The following EML6 variants were observed in gnomAD, a reference collection of about 807,000 sequenced individuals.
EML6 encodes the protein echinoderm microtubule-associated protein-like 6.
A neutral mutation model predicts 240.1 loss-of-function variants in EML6; 154 were observed. The ratio of observed to expected loss-of-function variants is 0.64; its 90% CI spans 0.56 to 0.73. The LOEUF (loss-of-function observed/expected upper bound fraction) is 0.73, where lower values mean the gene tolerates loss of function less well. EML6 is among the 30% of genes least tolerant of loss of function. The pLI, the probability that EML6 is intolerant of heterozygous loss-of-function variation, is 0.00. For missense variants in EML6, 2,964 were observed against 2,474.6 expected (o/e 1.20, Z -4.20); for synonymous variants, 1,148 against 899.0 (o/e 1.28, Z -4.95).
chr2:54,896,928 C>A (rs537158261), intron 21 of EML6, among the ~76,000 whole-genome samples: 107 of 152,332 alleles, frequency 7.0e-4, no homozygotes, highest in Non-Finnish European at 1.4e-3. Context: ...AGCTCTGCAG[C>A]TGGTCGTGCC....
At chr2:54,756,549 G>A (rs990197714) in intron 2 of EML6, among the ~76,000 whole-genome samples, 1 of 151,970 alleles carries the variant, frequency 6.6e-6, no homozygotes, top group Non-Finnish European at 1.5e-5. Context: ...TTGTATTTGG[G>A]CAGTAGGGTG....
At position 54,963,853 on chromosome 2, in the gene EML6, T is replaced by TAAGAAGC. The variant is rs547213783; in HGVS notation, c.5158-128_5158-122dup. 239 of 753,712 alleles carry TAAGAAGC rather than the reference T, an allele frequency of 3.2e-4. 3 individuals carry two copies. Among genetic ancestry groups the TAAGAAGC allele is most frequent in the Middle Eastern group, 2.7e-3 (7 of 2,570 alleles). The allele number at this position is 753,712 out of a possible 1,614,324, so 46.7% of individuals were successfully genotyped here. ...CTCAGTTATTCAGGGACATTTACTC[T>TAAGAAGC]AAGAAGCAAGAGATTTGGTGGCCTG... On this transcript the variant is annotated intron_variant, in intron 36 of 41. Coordinates refer to ENST00000356458, the MANE Select transcript of EML6 (RefSeq NM_001039753.4).
Position 54,844,172 on chromosome 2 carries a change from G to A in EML6, c.973G>A (p.Glu325Lys), listed in dbSNP as rs879068173. 2.6e-6 allele frequency: 4 copies of A among 1,551,712 alleles called. No individual in the cohort carries two copies. The highest frequency in any genetic ancestry group is 1.4e-5 in the African/African-American group (1 of 73,178). The change falls in exon 8 of 42, where the codon GAG becomes AAG. Residue 325 changes from glutamate to lysine, a missense_variant. Transcript: ENST00000356458. ...GATGTTGATCCTACAGGGCCACTGC[G>A]AGGGTGAGCTCTGGGCTCTGGCCCT... ...KPMLILQGHC[E>K]GELWALALHP...
chr2:54,851,654 G>C (rs895801397), intron 10 of EML6, among the ~76,000 whole-genome samples: 1 of 152,162 alleles, frequency 6.6e-6, no homozygotes, highest in Non-Finnish European at 1.5e-5. Flanking sequence ...GGATGTTCAT[G>C]ACCTGTTTAG....
chr2:54,882,183 C>G (rs1231457891), intron 17 of EML6: 1 of 152,072 alleles, frequency 6.6e-6, no homozygotes, highest in Non-Finnish European at 1.5e-5. Context: ...GTGAGACGAT[C>G]CGATCTGTTT....
At chr2:54,917,006 A>AT in intron 26 of EML6, 71 bp downstream of exon 26, 1 of 1,213,498 alleles carries the variant, frequency 8.2e-7, no homozygotes, top group African/African-American at 1.5e-5. Flanking sequence ...ATCTAAGTGC[A>AT]TTTTTAAAAA....
intron 29 of EML6, among the ~76,000 whole-genome samples, chr2:54,949,565 C>T (rs1350565733): frequency 6.6e-6 from 1 of 152,204 alleles, no homozygotes; most frequent in East Asian, 1.9e-4. Context: ...TCAGAGGCCT[C>T]CTGACTGTTC....
At chr2:54,964,387 C>T (rs923688710) in intron 37 of EML6, among the ~76,000 whole-genome samples, 184 bp from the exon 38 acceptor site, 9 of 152,226 alleles carry the variant, frequency 5.9e-5, no homozygotes, top group South Asian at 2.1e-4. Context: ...ACATATTTCC[C>T]GGGGATTCGA....
chr2:54,768,988 G>A (rs1668300789), intron 2 of EML6, among the ~76,000 whole-genome samples: 1 of 152,158 alleles, frequency 6.6e-6, no homozygotes, highest in East Asian at 1.9e-4. Flanking sequence ...ATAAGATTTT[G>A]TCTGTATGAG....
At chr2:54,741,076 C>T (rs550286884) in intron 2 of EML6, among the ~76,000 whole-genome samples, 2 of 152,178 alleles carry the variant, frequency 1.3e-5, no homozygotes, top group East Asian at 3.9e-4. Flanking sequence ...AATGACAGTG[C>T]AGGCCACACG....
At position 54,744,803 on chromosome 2, in the gene EML6, G is replaced by C. The variant is rs115080819; in HGVS notation, c.197+19545G>C. On this transcript the variant is annotated intron_variant, in intron 2 of 41. Transcript: ENST00000356458. ...ATTGAAAATTTAACTATGGACATTA[G>C]AAGTGCACAGAAGAGACCTTGCCTA... Among the ~76,000 whole-genome samples, 554 of 152,120 alleles carry C rather than the reference G, an allele frequency of 3.6e-3. 1 individual carries two copies. The highest frequency in any genetic ancestry group is 0.01 in the Middle Eastern group (3 of 294).
At position 54,959,247 on chromosome 2, in the gene EML6, C is replaced by G. The variant is rs182241171; in HGVS notation, c.4839C>G (p.Gly1613=). The stretch of plus-strand genomic sequence containing the variant: ...TTCGGGATGGACTCATAGTGACCGG[C>G]GGAAAAGAGAGGCCGTAAGCCAAAG... The part of the protein sequence containing the change: ...TTLRDGLIVT[G]GKERPTKEGG... The change falls in exon 34 of 42, where the codon GGC becomes GGG. Residue 1613 remains glycine, a synonymous_variant. Transcript: ENST00000356458. The G allele has an allele frequency of 6.5e-7, 1 of 1,534,924 alleles. No homozygotes were observed.
intron 14 of EML6, chr2:54,867,289 C>A (rs56317985): frequency 0.039 from 5,981 of 154,916 alleles, 405 homozygotes; most frequent in African/African-American, 0.13. Flanking sequence ...ATGTGCCCAA[C>A]ATAATTTTGA....
chr2:54,863,754 CT>C lies in EML6; in HGVS notation c.1826-27del, dbSNP rs896410738. On this transcript the variant is annotated intron_variant, in intron 12 of 41. Coordinates refer to ENST00000356458, the MANE Select transcript of EML6 (RefSeq NM_001039753.4). ...GTTGCTCAGAGTCTCAGAATTTTTG[CT>C]TGTTTCTTGTGGGTTGTATCTCTGC... 3 of 1,258,672 alleles carry C rather than the reference CT, an allele frequency of 2.4e-6. No homozygotes were observed. In the African/African-American group the frequency reaches 4.5e-5, roughly 19 times the overall value. The allele number at this position is 1,258,672 out of a possible 1,614,324, so 78.0% of individuals were successfully genotyped here.
intron 2 of EML6, among the ~76,000 whole-genome samples, chr2:54,726,161 A>G (rs1455844893): frequency 1.3e-5 from 2 of 152,166 alleles, no homozygotes; most frequent in Admixed American, 6.5e-5. Flanking sequence ...GTTAAGGAAG[A>G]TTTTCGTCAT....
At chr2:54,814,244 C>T (rs1393782969) in intron 3 of EML6, among the ~76,000 whole-genome samples, 6 of 152,282 alleles carry the variant, frequency 3.9e-5, no homozygotes, top group African/African-American at 1.4e-4. Flanking sequence ...TACCTCTGGG[C>T]CCTGCCTCAG....
chr2:54,862,335 C>G (rs1356441768), intron 12 of EML6, among the ~76,000 whole-genome samples: 5 of 82,988 alleles, frequency 6.0e-5, no homozygotes, highest in Admixed American at 3.1e-4. Context: ...ATGACTCCAT[C>G]TCTAAAAAAA....
intron 4 of EML6, 96 bp from the exon 5 acceptor site, chr2:54,820,298 A>C: frequency 1.4e-6 from 1 of 719,596 alleles, no homozygotes; most frequent in Non-Finnish European, 2.4e-6. Context: ...ATTGTGTTCT[A>C]AATGTTATAG....
At chr2:54,912,245 C>T (rs945854081) in intron 25 of EML6, among the ~76,000 whole-genome samples, 1 of 152,158 alleles carries the variant, frequency 6.6e-6, no homozygotes, top group Admixed American at 6.5e-5. Flanking sequence ...AATTTGATCT[C>T]ACTCCCCTCC....
Sources: allele counts gnomAD v4.1 joint callset (sites outside exome capture counted in the v4.1 genomes callset), GRCh38; gene constraint gnomAD v4.1.1; transcripts MANE v1.5; gene names NCBI Gene and HGNC (gene_info 2026-07-23, HGNC 2026-07-21).